The following ANKRD45 variants were observed in gnomAD, a reference collection of about 807,000 sequenced individuals.
The protein encoded by ANKRD45 is ankyrin repeat domain-containing protein 45.
A neutral mutation model predicts 28.1 loss-of-function variants in ANKRD45; 21 were observed. The observed-to-expected ratio is 0.75, with a 90% CI of 0.53 to 1.08. The LOEUF (loss-of-function observed/expected upper bound fraction) is 1.08. ANKRD45 is among the 50% of genes least tolerant of loss of function. The pLI is 0.00. For synonymous variants in ANKRD45, 86 were observed against 103.9 expected (o/e 0.83, Z 1.05); for missense variants, 261 against 308.7 (o/e 0.85, Z 1.16).
the ANKRD45 span, among the ~76,000 whole-genome samples, chr1:173,711,046 T>C: frequency 6.6e-6 from 1 of 152,030 alleles, no homozygotes; most frequent in African/African-American, 2.4e-5. Context: ...CCACAAACAA[T>C]GGGCCCTGTG....
At chr1:173,668,052 AT>A (rs1670098945) in intron 1 of ANKRD45, among the ~76,000 whole-genome samples, 1 of 152,216 alleles carries the variant, frequency 6.6e-6, no homozygotes, top group South Asian at 2.1e-4. Flanking sequence ...ATTAATAAAC[AT>A]TTTTTAAATC....
chr1:173,642,232 G>C (rs181521121), intron 3 of ANKRD45, among the ~76,000 whole-genome samples: 2 of 152,290 alleles, frequency 1.3e-5, no homozygotes, highest in Admixed American at 6.5e-5. Context: ...CACCTCGTTA[G>C]CTCTTGTTAT....
In ANKRD45 at chr1:173,636,780, TCTA is replaced by T; in HGVS notation, c.497-9624_497-9622del. The T allele has an allele frequency of 1.5e-6, 2 of 1,337,360 alleles. 1 individual carries two copies. Among genetic ancestry groups the T allele is most frequent in the Middle Eastern group, 3.6e-4 (2 of 5,556 alleles). The allele number at this position is 1,337,360 out of a possible 1,614,324, so 82.8% of individuals were successfully genotyped here. A position where few individuals can be genotyped will look rare whatever the true frequency, so the allele number is the denominator to read the frequency against. ...TATTAACTATACTATAGTATTGAAC[TCTA>T]CTGTTTTATGTAGATAAAATCTGTA... On this transcript the variant is annotated intron_variant, in intron 3 of 5. Transcript: ENST00000333279.
chr1:173,656,456 A>G (rs1669516616), intron 2 of ANKRD45, among the ~76,000 whole-genome samples: 1 of 152,222 alleles, frequency 6.6e-6, no homozygotes, highest in South Asian at 2.1e-4. Flanking sequence ...CCTATGAATA[A>G]TCAGAGTTTT....
chr1:173,680,130 G>T, the ANKRD45 span, among the ~76,000 whole-genome samples: 1 of 152,172 alleles, frequency 6.6e-6, no homozygotes, highest in Non-Finnish European at 1.5e-5. Context: ...AGACAGTGTG[G>T]CAATTCCTCA....
At chr1:173,613,375 T>C (rs1373386319) in intron 5 of ANKRD45, among the ~76,000 whole-genome samples, 4 of 147,162 alleles carry the variant, frequency 2.7e-5, no homozygotes, top group East Asian at 2.0e-4. Context: ...GTCTGAGAAG[T>C]GAGGAGCCCC....
At position 173,659,174 on chromosome 1, in the gene ANKRD45, T is replaced by C. The variant is rs1669673308; in HGVS notation, c.245A>G (p.Tyr82Cys). 5 of 1,614,068 alleles carry C rather than the reference T, an allele frequency of 3.1e-6. No individual in the cohort carries two copies. The highest frequency in any genetic ancestry group is 3.3e-5 in the Admixed American group (2 of 59,996). The change falls in exon 2 of 6, where the codon TAT becomes TGT. Residue 82 changes from tyrosine (Y) to cysteine (C), a missense_variant. Coordinates refer to ENST00000333279, the MANE Select transcript of ANKRD45 (RefSeq NM_198493.3). ...EEDIVGRNLL[Y>C]AACMAGQSDV... is the part of the protein sequence containing the mutation. ...ACTTTGCCCAGCCATGCAAGCTGCA[T>C]ACAACAAATTTCTCCCAACGATGTC...
intron 2 of ANKRD45, among the ~76,000 whole-genome samples, chr1:173,649,589 C>G (rs537821493): frequency 7.9e-5 from 12 of 152,118 alleles, no homozygotes; most frequent in African/African-American, 2.9e-4. Flanking sequence ...TAGATATATC[C>G]TTTGTCTGTG....
At chr1:173,628,626 A>G (rs1668048641) in intron 3 of ANKRD45, among the ~76,000 whole-genome samples, 1 of 152,172 alleles carries the variant, frequency 6.6e-6, no homozygotes, top group Non-Finnish European at 1.5e-5. Flanking sequence ...AGAATAGAGC[A>G]CCAGCTAGAT....
At chr1:173,684,551 C>G in the ANKRD45 span, among the ~76,000 whole-genome samples, 1 of 152,124 alleles carries the variant, frequency 6.6e-6, no homozygotes, top group East Asian at 1.9e-4. Flanking sequence ...AGAATTGAGG[C>G]TATTATTCTT....
Position 173,624,698 on chromosome 1 carries a change from T to G in ANKRD45, c.730+89A>C. 2.2e-6 allele frequency: 3 copies of G among 1,348,118 alleles called. No individual in the cohort carries two copies. The South Asian group carries it at 4.2e-5, about 19-fold the overall frequency. The allele number at this position is 1,348,118 out of a possible 1,614,324, so 83.5% of individuals were successfully genotyped here. ...ATGTTAATAACTACTTAATGAAGATTGTTAAAATCAGAATATCTCAAAAAT... is the reference window on the plus strand; with the variant it reads ...ATGTTAATAACTACTTAATGAAGATGGTTAAAATCAGAATATCTCAAAAAT... On this transcript the variant is annotated intron_variant, in intron 5 of 5. Transcript: ENST00000333279.
At chr1:173,691,428 G>A in the ANKRD45 span, among the ~76,000 whole-genome samples, 1 of 152,294 alleles carries the variant, frequency 6.6e-6, no homozygotes, top group Non-Finnish European at 1.5e-5. Context: ...TAAAGTTTCA[G>A]TGCTGCAAAA....
At chr1:173,612,246 A>G (rs987120081) in intron 5 of ANKRD45, among the ~76,000 whole-genome samples, 4 of 151,234 alleles carry the variant, frequency 2.6e-5, no homozygotes, top group African/African-American at 9.8e-5. Context: ...GCCTGTCTTA[A>G]AATGAAAGAA....
At chr1:173,700,961 T>G in the ANKRD45 span, among the ~76,000 whole-genome samples, 1 of 152,204 alleles carries the variant, frequency 6.6e-6, no homozygotes, top group East Asian at 1.9e-4. Flanking sequence ...ACAAAGAACT[T>G]ATACAAATTT....
the ANKRD45 span, among the ~76,000 whole-genome samples, chr1:173,691,303 T>C: frequency 6.6e-6 from 1 of 152,120 alleles, no homozygotes; most frequent in Admixed American, 6.5e-5. Context: ...TGGGTCTTGA[T>C]TTCTCACCCC....
chr1:173,690,064 C>CT, the ANKRD45 span, among the ~76,000 whole-genome samples: 1 of 66,682 alleles, frequency 1.5e-5, no homozygotes, highest in Non-Finnish European at 2.6e-5. Context: ...TGCCCCCCGC[C>CT]CCCCCCCCCC....
the ANKRD45 span, among the ~76,000 whole-genome samples, chr1:173,713,788 C>A: frequency 6.6e-6 from 1 of 151,978 alleles, no homozygotes; most frequent in Non-Finnish European, 1.5e-5. Flanking sequence ...CTACCCCTTT[C>A]CCCAGACTAC....
At chr1:173,665,818 G>A (rs1398969681) in intron 1 of ANKRD45, among the ~76,000 whole-genome samples, 1 of 151,942 alleles carries the variant, frequency 6.6e-6, no homozygotes, top group Non-Finnish European at 1.5e-5. Flanking sequence ...AGACCAGCTT[G>A]GGCAACACAG....
the ANKRD45 span, among the ~76,000 whole-genome samples, chr1:173,693,787 T>C: frequency 6.6e-6 from 1 of 152,228 alleles, no homozygotes; most frequent in Non-Finnish European, 1.5e-5. Flanking sequence ...TCTAGCTTTT[T>C]CTTTGCTCAT....
Sources: allele counts gnomAD v4.1 joint callset (sites outside exome capture counted in the v4.1 genomes callset), GRCh38; gene constraint gnomAD v4.1.1; transcripts MANE v1.5; gene names NCBI Gene and HGNC (gene_info 2026-07-23, HGNC 2026-07-21).